CEP250: variants seen among roughly 807,000 people sequenced by gnomAD.
CEP250 encodes the protein centrosome-associated protein CEP250.
In CEP250, 242 loss-of-function variants were observed where a neutral mutation model predicts 315.7. The observed-to-expected ratio is 0.77, with a 90% CI of 0.69 to 0.85. The LOEUF (loss-of-function observed/expected upper bound fraction) is 0.85, where lower values mean the gene tolerates loss of function less well. Ranked by LOEUF, CEP250 falls within the 40% of genes least tolerant of loss-of-function variation. CEP250 has a pLI of 0.00. For synonymous variants in CEP250, 1,088 were observed against 1,175.0 expected (o/e 0.93, Z 1.51); for missense variants, 2,515 against 2,886.4 (o/e 0.87, Z 2.95).
At chr20:35,465,604 A>C (rs970458535) in intron 5 of CEP250, 139 bp from the exon 6 acceptor site, 4 of 605,500 alleles carry the variant, frequency 6.6e-6, no homozygotes, top group African/African-American at 5.6e-5. Flanking sequence ...GGATGCAGTG[A>C]TTGAGAATAG....
chr20:35,465,731 T>C lies in CEP250; in HGVS notation c.244-12T>C. The C allele has an allele frequency of 1.9e-6, 3 of 1,580,100 alleles. No homozygotes were observed. Among genetic ancestry groups the C allele is most frequent in the Non-Finnish European group, 2.6e-6 (3 of 1,164,210 alleles). ...TTTGGAGGTAAGTAAGGCTTGTCTC[T>C]GTCTGGCGCAGGGACCAATCCCCCA... On this transcript the variant is annotated splice_polypyrimidine_tract_variant and intron_variant, in intron 5 of 34. Transcript: ENST00000397527.
chr20:35,484,836 A>G (rs942786996), intron 20 of CEP250, among the ~76,000 whole-genome samples: 7 of 152,198 alleles, frequency 4.6e-5, no homozygotes, highest in Admixed American at 6.5e-5. Context: ...CAAAGCAGCC[A>G]TATATAAACA....
rs1185745994 is a variant in CEP250, at chr20:35,503,974, C to T, written c.5605C>T (p.Arg1869Ter). The T allele has an allele frequency of 3.1e-6, 5 of 1,610,762 alleles. No homozygotes were observed. Among genetic ancestry groups the T allele is most frequent in the Non-Finnish European group, 4.2e-6 (5 of 1,178,060 alleles). The change falls in exon 30 of 35, where the codon CGA becomes TGA. Residue 1869 changes from arginine to a stop codon, truncating the protein, a stop_gained. Coordinates refer to ENST00000397527, the MANE Select transcript of CEP250 (RefSeq NM_007186.6). LOFTEE classifies it high-confidence loss of function. This position sits in a 1 kb window ranked among gnomAD's most constrained non-coding sequence, Gnocchi z 4.2. ...GELQDHKEQA[R>*]RLEEELAVEG... ...GCTTCAGGACCACAAGGAACAGGCA[C>T]GAAGGCTGGAGGAAGAGCTGGCAGT...
In CEP250 at chr20:35,476,559, G is replaced by C; in HGVS notation, c.1827G>C (p.Ala609=). 1 of 1,613,850 alleles carries C rather than the reference G, an allele frequency of 6.2e-7. No homozygotes were observed. The highest frequency in any genetic ancestry group is 8.5e-7 in the Non-Finnish European group (1 of 1,179,730). The change falls in exon 16 of 35, where the codon GCG becomes GCC. Residue 609 remains alanine (A), a synonymous_variant. Coordinates refer to ENST00000397527, the MANE Select transcript of CEP250 (RefSeq NM_007186.6). ...VKLSALNEAL[A]LDKVGLNQQL... Reference sequence around the variant, plus strand: ...TCAGTGCCTTAAATGAGGCTTTGGCGTTAGATAAAGTTGGGCTGAACCAGC... The same window carrying C: ...TCAGTGCCTTAAATGAGGCTTTGGCCTTAGATAAAGTTGGGCTGAACCAGC...
chr20:35,459,235 G>T lies in CEP250; in HGVS notation c.-226-748G>T, dbSNP rs75663037. On this transcript the variant is annotated intron_variant, in intron 2 of 34. Coordinates refer to ENST00000397527, the MANE Select transcript of CEP250 (RefSeq NM_007186.6). ...TTTCCTTATCTGCAAGATGAGGGGGGTGGACTAAATTTCTAAATAGCTTTA... is the reference window on the plus strand; with the variant it reads ...TTTCCTTATCTGCAAGATGAGGGGGTTGGACTAAATTTCTAAATAGCTTTA... Among the ~76,000 whole-genome samples, 41 of 151,502 alleles carry T rather than the reference G, an allele frequency of 2.7e-4. 1 individual carries two copies. Among genetic ancestry groups the T allele is most frequent in the Admixed American group, 2.6e-3 (40 of 15,238 alleles).
At chr20:35,494,736 A>G (rs756286712) in intron 24 of CEP250, 79 bp downstream of exon 24, 2 of 1,539,328 alleles carry the variant, frequency 1.3e-6, no homozygotes, top group Non-Finnish European at 1.8e-6. Flanking sequence ...TTGTTTGCTC[A>G]GGCCACCTTG....
In CEP250 at chr20:35,517,234, C is replaced by T. The variant is rs982595217; in HGVS notation, c.*5608C>T. ...GCATTCAATGTGTCCTGTGTCCTCC[C>T]TGGGGTTGATTAAGGGGTCGATGCC... On this transcript the variant is annotated 3_prime_UTR_variant, in exon 35 of 35. Coordinates refer to ENST00000397527, the MANE Select transcript of CEP250 (RefSeq NM_007186.6). The T allele has an allele frequency of 6.4e-6, 1 of 155,046 alleles. No individual in the cohort carries two copies. The highest frequency in any genetic ancestry group is 2.4e-5 in the African/African-American group (1 of 41,510). The allele number at this position is 155,046 out of a possible 1,614,324, so 9.6% of individuals were successfully genotyped here.
chr20:35,484,063 G>A (rs924058538), intron 20 of CEP250, among the ~76,000 whole-genome samples: 7 of 151,448 alleles, frequency 4.6e-5, no homozygotes, highest in Non-Finnish European at 1.0e-4. Context: ...TTTAATTAAC[G>A]TTTTGGGGTC....
At chr20:35,475,252 T>C (rs978903212) in intron 14 of CEP250, among the ~76,000 whole-genome samples, 8 of 152,328 alleles carry the variant, frequency 5.3e-5, no homozygotes, top group African/African-American at 1.4e-4. Context: ...ATCTTGCCAG[T>C]GCTCCTTCAT....
intron 21 of CEP250, 126 bp downstream of exon 21, chr20:35,490,930 T>C: frequency 1.8e-6 from 2 of 1,142,196 alleles, no homozygotes; most frequent in African/African-American, 1.5e-5. Flanking sequence ...GCTACCCACT[T>C]TGCTAACAGT....
At chr20:35,485,858 C>T (rs1237557803) in intron 20 of CEP250, among the ~76,000 whole-genome samples, 59 of 136,754 alleles carry the variant, frequency 4.3e-4, no homozygotes, top group African/African-American at 1.5e-3. Flanking sequence ...GATGGGGTTT[C>T]GTCATGTTAC....
rs1018347677 is a variant in CEP250 at position 35,519,032 on chromosome 20, C to G, written c.*7406C>G. ...TGGGTGGCAGAGCAAGACTCCGTCT[C>G]AAAAAAAAAAAAAATACGAAAAACA... On this transcript the variant is annotated 3_prime_UTR_variant, in exon 35 of 35. Transcript: ENST00000397527. 73 of 113,866 alleles carry G rather than the reference C, an allele frequency of 6.4e-4. No individual in the cohort carries two copies. The highest frequency in any genetic ancestry group is 2.3e-3 in the African/African-American group (71 of 30,612). 7.1% of individuals were successfully genotyped at this position (113,866 alleles called of 1,614,324 possible).
intron 30 of CEP250, among the ~76,000 whole-genome samples, chr20:35,505,617 C>T (rs560484164): frequency 7.1e-6 from 1 of 141,524 alleles, no homozygotes; most frequent in Non-Finnish European, 1.5e-5. Context: ...CGCACCATTG[C>T]ACTCGAGCCT....
chr20:35,474,601 G>A (rs942716505), intron 14 of CEP250, among the ~76,000 whole-genome samples: 2 of 152,204 alleles, frequency 1.3e-5, no homozygotes, highest in African/African-American at 4.8e-5. Context: ...CTTATACAGG[G>A]AAGTAGTGGG....
intron 30 of CEP250, 93 bp downstream of exon 30, chr20:35,505,098 CAG>C: frequency 9.1e-7 from 1 of 1,094,940 alleles, no homozygotes. Context: ...TGTGGCACCT[CAG>C]GGGTATGAGA....
intron 20 of CEP250, among the ~76,000 whole-genome samples, chr20:35,487,328 G>T (rs2063541792): frequency 6.6e-6 from 1 of 152,078 alleles, no homozygotes; most frequent in Admixed American, 6.6e-5. Context: ...AAATTAGCCA[G>T]GCGTGGTGGC....
intron 2 of CEP250, 115 bp from the exon 3 acceptor site, chr20:35,459,868 C>T (rs1443755299): frequency 6.6e-6 from 1 of 152,090 alleles, no homozygotes; most frequent in East Asian, 1.9e-4. Context: ...GTGAGGGGGC[C>T]TTTGAGACCT....
Position 35,469,900 on chromosome 20 carries a change from C to G in CEP250, c.862C>G (p.Leu288Val), listed in dbSNP as rs1311856737. 1 of 1,611,674 alleles carries G rather than the reference C, an allele frequency of 6.2e-7. No individual in the cohort carries two copies. Among genetic ancestry groups the G allele is most frequent in the East Asian group, 2.2e-5 (1 of 44,880 alleles). The change falls in exon 10 of 35, where the codon CTC becomes GTC. Residue 288 changes from leucine (L) to valine (V), a missense_variant. Coordinates refer to ENST00000397527, the MANE Select transcript of CEP250 (RefSeq NM_007186.6). ...KAELQDRVTE[L>V]SALLTQSQKQ... is the part of the protein sequence containing the mutation. ...TGCTCTTCTCTTTAGGGTGACCGAG[C>G]TCTCTGCTCTGTTGACCCAGTCTCA...
intron 4 of CEP250, among the ~76,000 whole-genome samples, chr20:35,463,260 G>A (rs2062798258): frequency 6.6e-6 from 1 of 152,116 alleles, no homozygotes; most frequent in Admixed American, 6.5e-5. Context: ...AAAATTAGCT[G>A]AGTGTGGTGG....
Sources: gnomAD v4.1 joint callset for allele counts (sites outside exome capture counted in the v4.1 genomes callset) on GRCh38, gnomAD v4.1.1 for gene constraint, Gnocchi (gnomAD v3.1) non-coding constraint, MANE v1.5 for transcripts, NCBI Gene and HGNC (gene_info 2026-07-23, HGNC 2026-07-21) for gene names.